The following KCNIP4 variants were observed in gnomAD, a reference collection of about 807,000 sequenced individuals.
KCNIP4 encodes Kv channel-interacting protein 4.
In KCNIP4, 12 loss-of-function variants were observed where a neutral mutation model predicts 34.0. The observed-to-expected ratio is 0.35, with a 90% CI of 0.23 to 0.57. The LOEUF (loss-of-function observed/expected upper bound fraction) is 0.57. KCNIP4 is among the 20% of genes least tolerant of loss of function. KCNIP4 has a pLI of 0.83. For synonymous variants in KCNIP4, 124 were observed against 102.2 expected (o/e 1.21, Z -1.29); for missense variants, 238 against 311.7 (o/e 0.76, Z 1.78).
chr4:21,410,971 A>G (rs538945978), intron 1 of KCNIP4, among the ~76,000 whole-genome samples: 1 of 152,292 alleles, frequency 6.6e-6, no homozygotes, highest in East Asian at 1.9e-4. Context: ...GGTCTATTTT[A>G]GTCTTTCAAG....
chr4:20,782,768 G>A (rs1296151708), intron 3 of KCNIP4, among the ~76,000 whole-genome samples: 1 of 152,150 alleles, frequency 6.6e-6, no homozygotes, highest in Non-Finnish European at 1.5e-5. Flanking sequence ...TTTCCCCATT[G>A]TCTTGGGAAT....
intron 1 of KCNIP4, among the ~76,000 whole-genome samples, chr4:20,897,799 A>C (rs1726718601): frequency 6.6e-6 from 1 of 152,192 alleles, no homozygotes; most frequent in Admixed American, 6.5e-5. Context: ...CTGATCTTGG[A>C]TGTCCAGCCT....
intron 1 of KCNIP4, among the ~76,000 whole-genome samples, chr4:21,320,403 T>C (rs1016164107): frequency 1.3e-5 from 2 of 152,174 alleles, no homozygotes; most frequent in Non-Finnish European, 2.9e-5. Context: ...AAGGAAACTA[T>C]AGAGAAGGGC....
chr4:21,616,000 TTAAA>T (rs1374061679), intron 1 of KCNIP4, among the ~76,000 whole-genome samples: 1 of 152,204 alleles, frequency 6.6e-6, no homozygotes, highest in Non-Finnish European at 1.5e-5. Context: ...TGTGATTCTT[TTAAA>T]GGTAGGTCAG....
chr4:21,179,264 C>A (rs763431544), intron 1 of KCNIP4, among the ~76,000 whole-genome samples: 3 of 152,198 alleles, frequency 2.0e-5, no homozygotes, highest in African/African-American at 4.8e-5. Flanking sequence ...TTCCTTGCTT[C>A]TTTTAGTGAA....
chr4:21,087,145 AATGTGTGT>A lies in KCNIP4; in HGVS notation c.62-204444_62-204437del, dbSNP rs1280788994. Among the ~76,000 whole-genome samples the A allele has an allele frequency of 6.9e-3, 482 of 70,296 alleles. 6 individuals carry two copies. The highest frequency in any genetic ancestry group is 0.022 in the African/African-American group (449 of 20,402). 46.1% of individuals were successfully genotyped at this position (70,296 alleles called of 152,430 possible). On this transcript the variant is annotated intron_variant, in intron 1 of 8. Transcript: ENST00000382152. ...CAGGCATGCACCACCACTGCTGGGT[AATGTGTGT>A]GTGTGTGTGTGTGTGTGTGTGTGTG...
intron 1 of KCNIP4, among the ~76,000 whole-genome samples, chr4:21,746,715 T>C (rs1716806904): frequency 6.6e-6 from 1 of 152,050 alleles, no homozygotes; most frequent in South Asian, 2.1e-4. Flanking sequence ...GGGCTCACAA[T>C]GGAGAAACTC....
intron 1 of KCNIP4, among the ~76,000 whole-genome samples, chr4:21,247,838 C>A (rs1760383792): frequency 3.6e-5 from 4 of 110,182 alleles, no homozygotes; most frequent in Admixed American, 1.1e-4. Context: ...CACACAGACA[C>A]CACAGGTGGA....
intron 1 of KCNIP4, among the ~76,000 whole-genome samples, chr4:21,416,725 G>A (rs756414005): frequency 6.6e-6 from 1 of 152,164 alleles, no homozygotes; most frequent in African/African-American, 2.4e-5. Context: ...AAGCAAAAGA[G>A]GAATCTCCTG....
At chr4:20,839,265 A>G (rs950263506) in intron 3 of KCNIP4, among the ~76,000 whole-genome samples, 2 of 152,084 alleles carry the variant, frequency 1.3e-5, no homozygotes, top group East Asian at 1.9e-4. Context: ...CTTAGCATGT[A>G]CCCAAATTCA....
chr4:21,744,273 T>G (rs1392718280), intron 1 of KCNIP4, among the ~76,000 whole-genome samples: 1 of 152,178 alleles, frequency 6.6e-6, no homozygotes, highest in Non-Finnish European at 1.5e-5. Flanking sequence ...CTTCCAAAAC[T>G]TAGCAAAGTC....
chr4:21,085,367 T>C (rs1379369101), intron 1 of KCNIP4, among the ~76,000 whole-genome samples: 1 of 152,198 alleles, frequency 6.6e-6, no homozygotes, highest in African/African-American at 2.4e-5. Context: ...ATGTTGGTTG[T>C]TGAAGTCATT....
intron 1 of KCNIP4, among the ~76,000 whole-genome samples, chr4:21,400,465 T>TTTCTCCTCTCCTCTCCTC (rs1553876082): frequency 4.2e-5 from 5 of 118,040 alleles, no homozygotes; most frequent in African/African-American, 1.8e-4. Context: ...TTTCTTTCTG[T>TTTCTCCTCTCCTCTCCTC]TCCTCTCCTC....
rs1467419403 is a variant in KCNIP4, at chr4:21,183,357, AT to A, written c.62-300649del. Reference sequence around the variant, plus strand: ...TATTTTTTTTCCTTTGGATATATTTATTTTCCTTTGGATATATACCCAGAAG... The same window carrying A: ...TATTTTTTTTCCTTTGGATATATTTATTTCCTTTGGATATATACCCAGAAG... On this transcript the variant is annotated intron_variant, in intron 1 of 8. Transcript: ENST00000382152. Among the ~76,000 whole-genome samples the A allele has an allele frequency of 3.3e-5, 5 of 150,118 alleles. No individual in the cohort carries two copies. The East Asian group carries it at 9.8e-4, about 29-fold the overall frequency.
intron 1 of KCNIP4, among the ~76,000 whole-genome samples, chr4:21,711,941 A>T (rs1035891972): frequency 6.6e-6 from 1 of 152,274 alleles, no homozygotes; most frequent in African/African-American, 2.4e-5. Flanking sequence ...GGGTTAAGTA[A>T]CTGGCCTATA....
chr4:21,153,750 A>G (rs977184392), intron 1 of KCNIP4, among the ~76,000 whole-genome samples: 7 of 151,970 alleles, frequency 4.6e-5, no homozygotes, highest in African/African-American at 1.7e-4. Flanking sequence ...ATATTTTACC[A>G]CCTCTTGGGA....
In KCNIP4 at chr4:21,226,847, CTG is replaced by C. The variant is rs1338177729; in HGVS notation, c.62-344140_62-344139del. 2.0e-5 allele frequency among the ~76,000 whole-genome samples: 3 copies of C among 150,914 alleles called. No homozygotes were observed. In the East Asian group the frequency reaches 5.8e-4, roughly 29 times the overall value. ...ATTCAACTTGATGTGAAATAGCTGA[CTG>C]TGTGAATTTGAACCAGTAATTTTTT... On this transcript the variant is annotated intron_variant, in intron 1 of 8. Coordinates refer to ENST00000382152, the MANE Select transcript of KCNIP4 (RefSeq NM_025221.6).
chr4:21,871,520 T>A (rs1189826024), intron 1 of KCNIP4, among the ~76,000 whole-genome samples: 1 of 151,846 alleles, frequency 6.6e-6, no homozygotes, highest in Non-Finnish European at 1.5e-5. Flanking sequence ...GAAACCATCA[T>A]TCTGAGCAAA....
intron 1 of KCNIP4, among the ~76,000 whole-genome samples, chr4:21,424,349 G>A (rs534114517): frequency 1.5e-4 from 23 of 151,404 alleles, no homozygotes; most frequent in African/African-American, 4.4e-4. Context: ...AAGGTGGGAC[G>A]ATCACGAGGT....
Sources: gnomAD v4.1 joint callset for allele counts (sites outside exome capture counted in the v4.1 genomes callset) on GRCh38, gnomAD v4.1.1 for gene constraint, MANE v1.5 for transcripts, NCBI Gene and HGNC (gene_info 2026-07-23, HGNC 2026-07-21) for gene names.